Variants in PANX3 observed in about 807,000 individuals in gnomAD.
PANX3 encodes the protein pannexin-3.
PANX3 carries 18 observed loss-of-function variants against 31.5 expected under a neutral mutation model. The ratio of observed to expected loss-of-function variants is 0.57; its 90% CI spans 0.39 to 0.85. The LOEUF is 0.85. PANX3 is among the 40% of genes least tolerant of loss of function. The pLI is 0.00. For missense variants in PANX3, 426 were observed against 485.4 expected, an observed-to-expected ratio of 0.88 and a Z score of 1.15; for synonymous variants, 194 against 201.6, an observed-to-expected ratio of 0.96 and a Z score of 0.32.
chr11:124,613,222 C>A (rs191563757), intron 2 of PANX3, 100 bp downstream of exon 2: 7 of 1,382,750 alleles, frequency 5.1e-6, no homozygotes, highest in Non-Finnish European at 6.7e-6. Context: ...CCACCCCTAA[C>A]CCATTTATTT....
Position 124,616,811 on chromosome 11 carries a change from T to C in PANX3, c.325-463T>C, listed in dbSNP as rs904397154. On this transcript the variant is annotated intron_variant, in intron 2 of 3. Coordinates refer to ENST00000284288, the MANE Select transcript of PANX3 (RefSeq NM_052959.3). This position sits in a 1 kb window ranked among gnomAD's most constrained non-coding sequence, Gnocchi z 4.8. ...TTCTCTCCCTTAGGACAACATGGCC[T>C]CTGCTGGCCATGATCCCTAGCTAGC... Among the ~76,000 whole-genome samples the C allele has an allele frequency of 6.6e-6, 1 of 152,154 alleles. No individual in the cohort carries two copies. Among genetic ancestry groups the C allele is most frequent in the African/African-American group, 2.4e-5 (1 of 41,430 alleles).
intron 3 of PANX3, among the ~76,000 whole-genome samples, chr11:124,618,078 A>T (rs1863173523): frequency 6.6e-6 from 1 of 152,234 alleles, no homozygotes. Flanking sequence ...ACAAATAAAC[A>T]GAACACAGAA....
intron 2 of PANX3, 145 bp from the exon 3 acceptor site, chr11:124,617,128 CA>C: frequency 1.5e-6 from 1 of 682,272 alleles, no homozygotes. Context: ...TAGGGTGCCT[CA>C]GGGGCTGAGC....
At chr11:124,612,838 G>A (rs1161879780) in intron 1 of PANX3, 142 bp from the exon 2 acceptor site, 2 of 1,007,526 alleles carry the variant, frequency 2.0e-6, no homozygotes, top group South Asian at 1.6e-5. Context: ...TGACATGGCA[G>A]TGCTCAACCC....
chr11:124,614,093 A>T (rs999085940), intron 2 of PANX3, among the ~76,000 whole-genome samples: 6 of 149,812 alleles, frequency 4.0e-5, no homozygotes, highest in African/African-American at 1.5e-4. Context: ...TCTAGGACTG[A>T]GACAAAACCA....
intron 2 of PANX3, among the ~76,000 whole-genome samples, chr11:124,613,699 G>A (rs1591367941): frequency 6.6e-6 from 1 of 152,042 alleles, no homozygotes; most frequent in African/African-American, 2.4e-5. Context: ...ATTACAGAAA[G>A]GATCTGCGGG....
intron 1 of PANX3, 115 bp from the exon 2 acceptor site, chr11:124,612,865 G>A: frequency 1.5e-6 from 2 of 1,309,430 alleles, no homozygotes; most frequent in Non-Finnish European, 2.1e-6. Flanking sequence ...CTAAGGTGTG[G>A]GAAGAAGACA....
intron 2 of PANX3, among the ~76,000 whole-genome samples, chr11:124,614,668 TTC>T (rs1863132431): frequency 6.8e-6 from 1 of 147,640 alleles, no homozygotes; most frequent in African/African-American, 2.6e-5. Flanking sequence ...TAAACGCCCT[TTC>T]TTTTTTTTTT....
intron 3 of PANX3, among the ~76,000 whole-genome samples, chr11:124,618,847 T>C (rs1863182008): frequency 6.6e-6 from 1 of 152,192 alleles, no homozygotes; most frequent in African/African-American, 2.4e-5. Flanking sequence ...GGTCTTACTG[T>C]GTTTCCCATG....
chr11:124,614,887 G>A (rs1397871345), intron 2 of PANX3, among the ~76,000 whole-genome samples: 3 of 151,122 alleles, frequency 2.0e-5, no homozygotes, highest in Non-Finnish European at 2.9e-5. Flanking sequence ...ACGTTGGTCA[G>A]GCTGGTCTCG....
At position 124,619,415 on chromosome 11, in the gene PANX3, C is replaced by T; in HGVS notation, c.659C>T (p.Thr220Ile). 2 of 1,614,184 alleles carry T rather than the reference C, an allele frequency of 1.2e-6. No homozygotes were observed. Residue 220 changes from threonine to isoleucine, a missense_variant, in exon 4 of 4, where the codon ACC becomes ATC. Coordinates refer to ENST00000284288, the MANE Select transcript of PANX3 (RefSeq NM_052959.3). ...LLRNSLLLIFTSATYLYLGHF... is the reference protein window; with the variant it reads ...LLRNSLLLIFISATYLYLGHF... ...AGGAACTCCCTCTTGCTCATCTTCACCTCCGCCACTTACCTATACCTTGGT... is the reference window on the plus strand; with the variant it reads ...AGGAACTCCCTCTTGCTCATCTTCATCTCCGCCACTTACCTATACCTTGGT...
chr11:124,615,913 G>A (rs940830355), intron 2 of PANX3, among the ~76,000 whole-genome samples: 6 of 152,156 alleles, frequency 3.9e-5, no homozygotes, highest in African/African-American at 1.2e-4. Context: ...TTGGGAGGCT[G>A]AGGCAGGAGA....
At position 124,617,475 on chromosome 11, in the gene PANX3, A is replaced by C. The variant is rs777677347; in HGVS notation, c.526A>C (p.Asn176His). ...QKSSDPYVFW[N>H]ELEKARKERY... ...GAGTTCCGACCCCTATGTGTTCTGGAATGAGCTGGAGAAGTGAGTTGTCTC... is the reference window on the plus strand; with the variant it reads ...GAGTTCCGACCCCTATGTGTTCTGGCATGAGCTGGAGAAGTGAGTTGTCTC... The change falls in exon 3 of 4, where the codon AAT (asparagine) becomes CAT (histidine). Residue 176 changes from asparagine (N) to histidine (H), a missense_variant. Coordinates refer to ENST00000284288, the MANE Select transcript of PANX3 (RefSeq NM_052959.3). 3.7e-6 allele frequency: 6 copies of C among 1,614,108 alleles called. No homozygotes were observed. In the African/African-American group the frequency reaches 8.0e-5, roughly 22 times the overall value.
chr11:124,619,328 T>C lies in PANX3; in HGVS notation c.572T>C (p.Leu191Ser). 2 of 1,613,952 alleles carry C rather than the reference T, an allele frequency of 1.2e-6. No homozygotes were observed. Among genetic ancestry groups the C allele is most frequent in the Non-Finnish European group, 1.7e-6 (2 of 1,179,954 alleles). Residue 191 changes from leucine to serine, a missense_variant, in exon 4 of 4, where the codon TTG (leucine) becomes TCG (serine). By Grantham distance (145) the Leu-to-Ser change is moderately radical. Coordinates refer to ENST00000284288, the MANE Select transcript of PANX3 (RefSeq NM_052959.3). ...ARKERYFEFP[L>S]LERYLACKQR... ...AAAGAACGATACTTTGAATTCCCTT[T>C]GCTAGAGCGGTACCTGGCATGTAAG...
In PANX3 at chr11:124,619,818, T is replaced by C; in HGVS notation, c.1062T>C (p.Asp354=). 2 of 1,614,166 alleles carry C rather than the reference T, an allele frequency of 1.2e-6. No individual in the cohort carries two copies. Among genetic ancestry groups the C allele is most frequent in the Non-Finnish European group, 1.7e-6 (2 of 1,180,028 alleles). Residue 354 remains aspartate, a synonymous_variant, in exon 4 of 4, where the codon GAT becomes GAC. Coordinates refer to ENST00000284288, the MANE Select transcript of PANX3 (RefSeq NM_052959.3). ...TGAGTGTCTTATGTGTGTTGAAGGATACAACCACCCAGAAGCACAATATTG... is the reference window on the plus strand; with the variant it reads ...TGAGTGTCTTATGTGTGTTGAAGGACACAACCACCCAGAAGCACAATATTG... The part of the protein sequence containing the change: ...SWLSVLCVLK[D]TTTQKHNIDT...
chr11:124,613,736 A>G (rs949513759), intron 2 of PANX3, among the ~76,000 whole-genome samples: 4 of 152,116 alleles, frequency 2.6e-5, no homozygotes, highest in African/African-American at 9.7e-5. Context: ...TTTTTCCAAC[A>G]AGATCCCTGT....
chr11:124,611,714 C>T lies in PANX3; in HGVS notation c.158C>T (p.Ala53Val). The part of the protein sequence containing the change: ...VGSPLLLMSL[A>V]FAQEFSSGSP... ...TCCCCCTTGTTGCTGATGTCCCTGGCATTCGCCCAGGAGTTCTCCTCTGGT... is the reference window on the plus strand; with the variant it reads ...TCCCCCTTGTTGCTGATGTCCCTGGTATTCGCCCAGGAGTTCTCCTCTGGT... Residue 53 changes from alanine (A) to valine (V), a missense_variant, in exon 1 of 4, where the codon GCA becomes GTA. By Grantham distance (64) the Ala-to-Val change is moderately conservative. Coordinates refer to ENST00000284288, the MANE Select transcript of PANX3 (RefSeq NM_052959.3). 6.2e-7 allele frequency: 1 copy of T among 1,614,058 alleles called. No homozygotes were observed. Among genetic ancestry groups the T allele is most frequent in the Non-Finnish European group, 8.5e-7 (1 of 1,179,940 alleles).
chr11:124,616,380 G>T lies in PANX3; in HGVS notation c.325-894G>T, dbSNP rs1167140491. 6.6e-6 allele frequency among the ~76,000 whole-genome samples: 1 copy of T among 151,242 alleles called. No individual in the cohort carries two copies. The highest frequency in any genetic ancestry group is 1.5e-5 in the Non-Finnish European group (1 of 67,776). On this transcript the variant is annotated intron_variant, in intron 2 of 3. Transcript: ENST00000284288. The surrounding 1 kb of genome is among the most constrained non-coding windows in gnomAD (Gnocchi z 4.8). The stretch of plus-strand genomic sequence containing the variant: ...TTTACCTGGCTTTTTTTTTAAAAAA[G>T]AAAAAAAAGAACATCAGTCATAATG...
At chr11:124,615,980 C>T (rs1010024337) in intron 2 of PANX3, among the ~76,000 whole-genome samples, 4 of 152,088 alleles carry the variant, frequency 2.6e-5, no homozygotes, top group African/African-American at 9.7e-5. Context: ...CACCACGGCA[C>T]TCCAGCCTGG....
Sources: allele counts gnomAD v4.1 joint callset (sites outside exome capture counted in the v4.1 genomes callset), GRCh38; gene constraint gnomAD v4.1.1; non-coding constraint Gnocchi (gnomAD v3.1); transcripts MANE v1.5; gene names NCBI Gene and HGNC (gene_info 2026-07-23, HGNC 2026-07-21).